The following TSC2 variants were observed in gnomAD, a reference collection of about 807,000 sequenced individuals.
The protein encoded by TSC2 is tuberin.
Under a neutral mutation model 202.2 loss-of-function variants are expected in TSC2, and 29 were observed. That is an observed-to-expected ratio of 0.14 (90% confidence interval 0.11 to 0.20). The LOEUF (loss-of-function observed/expected upper bound fraction) is 0.20, where lower values mean the gene tolerates loss of function less well. Ranked by LOEUF, TSC2 falls within the 10% of genes least tolerant of loss-of-function variation. The pLI is 1.00. For missense variants in TSC2, 2,429 were observed against 2,420.0 expected (o/e 1.00, Z -0.08); for synonymous variants, 1,349 against 1,044.0 (o/e 1.29, Z -5.63).
intron 11 of TSC2, 134 bp from the exon 12 acceptor site, chr16:2,061,737 C>T (rs1340849531): frequency 6.8e-7 from 1 of 1,472,276 alleles, no homozygotes; most frequent in Non-Finnish European, 9.4e-7. Context: ...CTGGGGGCGT[C>T]TGTCCCCATG....
At chr16:2,048,248 T>C (rs899034071) in intron 1 of TSC2, 183 bp downstream of exon 1, 2 of 1,349,310 alleles carry the variant, frequency 1.5e-6, no homozygotes, top group African/African-American at 1.4e-5. Flanking sequence ...TGCAGGCGGC[T>C]CCGTGACAGC....
At chr16:2,059,845 G>T (rs2151124202) in intron 10 of TSC2, among the ~76,000 whole-genome samples, 1 of 152,242 alleles carries the variant, frequency 6.6e-6, no homozygotes, top group South Asian at 2.1e-4. Context: ...ATTTTTATTA[G>T]AGATGGGGTT....
intron 18 of TSC2, 49 bp from the exon 19 acceptor site, chr16:2,071,735 C>A (rs199995548): frequency 1.3e-6 from 2 of 1,596,820 alleles, no homozygotes; most frequent in Non-Finnish European, 1.7e-6. Flanking sequence ...AAGTCTGTTC[C>A]GTTCCTGCTG....
chr16:2,069,750 G>T (rs373123966), intron 16 of TSC2, among the ~76,000 whole-genome samples: 3 of 152,298 alleles, frequency 2.0e-5, no homozygotes, highest in East Asian at 3.9e-4. Context: ...AAAGTGCTGG[G>T]ATTACAGGCG....
intron 5 of TSC2, 26 bp downstream of exon 5, chr16:2,054,466 T>G (rs2085520569): frequency 1.2e-6 from 2 of 1,613,822 alleles, no homozygotes; most frequent in Non-Finnish European, 1.7e-6. Context: ...GGTTGGAGGT[T>G]TCTCTGGCCT....
Position 2,079,038 on chromosome 16 carries a change from A to G in TSC2, c.2973A>G (p.Ile991Met). Residue 991 changes from isoleucine to methionine, a missense_variant, in exon 27 of 42, where the codon ATA (isoleucine) becomes ATG (methionine). Transcript: ENST00000219476. This position sits in a 1 kb window ranked among gnomAD's most constrained non-coding sequence, Gnocchi z 4.6. ...TCACGGCCTCTCCCTCCAGCAGGATACAGACGTCCCTCACCAGTGCCAGCT... is the reference window on the plus strand; with the variant it reads ...TCACGGCCTCTCCCTCCAGCAGGATGCAGACGTCCCTCACCAGTGCCAGCT... ...SVSEHVVRSR[I>M]QTSLTSASLG... is the part of the protein sequence containing the mutation. The G allele has an allele frequency of 6.2e-7, 1 of 1,612,738 alleles. No individual in the cohort carries two copies. Among genetic ancestry groups the G allele is most frequent in the Non-Finnish European group, 8.5e-7 (1 of 1,179,994 alleles).
chr16:2,077,574 T>A, intron 25 of TSC2, 24 bp from the exon 26 acceptor site: 1 of 1,612,448 alleles, frequency 6.2e-7, no homozygotes, highest in Non-Finnish European at 8.5e-7. Context: ...TCTGGGGCGT[T>A]GGGGCTCCTT....
intron 3 of TSC2, 137 bp from the exon 4 acceptor site, chr16:2,053,205 C>A: frequency 1.2e-6 from 1 of 846,462 alleles, no homozygotes; most frequent in Non-Finnish European, 2.0e-6. Context: ...ACAGGAGATA[C>A]GAGCTTTGGA....
In TSC2 at chr16:2,079,764, G is replaced by C. The variant is rs367793721; in HGVS notation, c.3397+95G>C. 7.5e-7 allele frequency: 1 copy of C among 1,324,740 alleles called. No individual in the cohort carries two copies. Among genetic ancestry groups the C allele is most frequent in the Admixed American group, 2.2e-5 (1 of 44,462 alleles). The allele number at this position is 1,324,740 out of a possible 1,614,324, so 82.1% of individuals were successfully genotyped here. On this transcript the variant is annotated intron_variant, in intron 29 of 41. Transcript: ENST00000219476. The surrounding 1 kb of genome is among the most constrained non-coding windows in gnomAD (Gnocchi z 4.6). ...CAGGAAGGCCCCGAGCCCAGGGGCC[G>C]GGGTGGCTGGCTTCAGGCCCGGCCC...
Position 2,080,261 on chromosome 16 carries a change from A to T in TSC2, c.3494A>T (p.Lys1165Ile), listed in dbSNP as rs2151458794. Residue 1165 changes from lysine to isoleucine, a missense_variant, in exon 30 of 42, where the codon AAA becomes ATA. Physicochemically the swap from Lys to Ile is moderately radical, Grantham distance 102 (BLOSUM62 -3). Coordinates refer to ENST00000219476, the MANE Select transcript of TSC2 (RefSeq NM_000548.5). ...SPGPRTAPAA[K>I]PEKASAGTRV... is the part of the protein sequence containing the mutation. ...GGACCACGGACTGCACCAGCCGCGA[A>T]ACCTGAGAAGGCCTCAGCTGGCACC... The T allele has an allele frequency of 6.2e-7, 1 of 1,612,938 alleles. No homozygotes were observed. The highest frequency in any genetic ancestry group is 8.5e-7 in the Non-Finnish European group (1 of 1,180,006).
Position 2,088,351 on chromosome 16 carries a change from G to A in TSC2, c.5259+26G>A, listed in dbSNP as rs759260143. ...GTAGGGAATATGGGGCTCCCTCAGC[G>A]GGGTGTGCTGGCTGCCCAAGCTGTG... On this transcript the variant is annotated intron_variant, in intron 41 of 41. Transcript: ENST00000219476. The A allele has an allele frequency of 1.5e-5, 24 of 1,612,398 alleles. 1 individual carries two copies. The highest frequency in any genetic ancestry group is 3.3e-4 in the Middle Eastern group (2 of 6,062).
At position 2,053,349 on chromosome 16, in the gene TSC2, T is replaced by C. The variant is rs1163221525; in HGVS notation, c.233T>C (p.Val78Ala). 1.3e-6 allele frequency: 2 copies of C among 1,583,976 alleles called. No individual in the cohort carries two copies. Among genetic ancestry groups the C allele is most frequent in the East Asian group, 2.3e-5 (1 of 43,452 alleles). Residue 78 changes from valine to alanine, a missense_variant, in exon 4 of 42, where the codon GTG becomes GCG. Transcript: ENST00000219476. The stretch of plus-strand genomic sequence containing the variant: ...CCCCTCTGCTGGTGACAGCACGCAG[T>C]GGAAGCACTCTGGAAGGCGGTCGCG... ...AKTKKFEEHA[V>A]EALWKAVADL...
At chr16:2,061,419 G>A (rs1300889198) in intron 11 of TSC2, 10 of 316,298 alleles carry the variant, frequency 3.2e-5, no homozygotes, top group Admixed American at 1.3e-4. Context: ...GCCCCCGACC[G>A]CTGGTGGCAG....
chr16:2,056,503 C>G, intron 7 of TSC2, 141 bp from the exon 8 acceptor site: 2 of 1,329,762 alleles, frequency 1.5e-6, no homozygotes, highest in Non-Finnish European at 2.1e-6. Flanking sequence ...CCCGCTTGCC[C>G]TGTGGCTTGG....
Position 2,079,477 on chromosome 16 carries a change from G to T in TSC2, c.3284+49G>T. 6.2e-7 allele frequency: 1 copy of T among 1,611,284 alleles called. No individual in the cohort carries two copies. The highest frequency in any genetic ancestry group is 1.3e-5 in the African/African-American group (1 of 75,028). ...GCGCCTGCCAGCCTCGACACCGGCTGTCCCGAGCCCAGGCCCACGTGGCAC... is the reference window on the plus strand; with the variant it reads ...GCGCCTGCCAGCCTCGACACCGGCTTTCCCGAGCCCAGGCCCACGTGGCAC... On this transcript the variant is annotated intron_variant, in intron 28 of 41. Transcript: ENST00000219476. This position sits in a 1 kb window ranked among gnomAD's most constrained non-coding sequence, Gnocchi z 4.6.
chr16:2,054,995 G>T (rs1596268059), intron 5 of TSC2: 1 of 350,894 alleles, frequency 2.8e-6, no homozygotes, highest in Non-Finnish European at 5.5e-6. Flanking sequence ...CCTACCGTCA[G>T]GTTTCCTGTC....
chr16:2,082,055 G>T (rs2090209052), intron 31 of TSC2: 2 of 620,452 alleles, frequency 3.2e-6, no homozygotes, highest in East Asian at 5.6e-5. Context: ...TCCTCCGTGG[G>T]GAGTCCAGCA....
rs1376515823 is a variant in TSC2, at chr16:2,086,838, C to T, written c.4956C>T (p.Asp1652=). ...ACTTTGTGTCCATTGTCTACAATGACTCCGGTGAGGACTTCAAGCTTGGCA... is the reference window on the plus strand; with the variant it reads ...ACTTTGTGTCCATTGTCTACAATGATTCCGGTGAGGACTTCAAGCTTGGCA... The part of the protein sequence containing the change: ...GNDFVSIVYN[D]SGEDFKLGTI... Residue 1652 remains aspartate (D), a synonymous_variant, in exon 38 of 42, where the codon GAC becomes GAT. Transcript: ENST00000219476. 10 of 1,605,228 alleles carry T rather than the reference C, an allele frequency of 6.2e-6. No individual in the cohort carries two copies. Among genetic ancestry groups the T allele is most frequent in the Middle Eastern group, 1.8e-4 (1 of 5,458 alleles).
chr16:2,077,458 T>C (rs1445258956), intron 25 of TSC2, 140 bp from the exon 26 acceptor site: 2 of 1,287,980 alleles, frequency 1.6e-6, no homozygotes, highest in Admixed American at 3.8e-5. Flanking sequence ...CATGGCTCTT[T>C]TTGCTCATCT....
Sources: gnomAD v4.1 joint callset for allele counts (sites outside exome capture counted in the v4.1 genomes callset) on GRCh38, gnomAD v4.1.1 for gene constraint, Gnocchi (gnomAD v3.1) non-coding constraint, MANE v1.5 for transcripts, NCBI Gene and HGNC (gene_info 2026-07-23, HGNC 2026-07-21) for gene names.